Variants in ABCC5 observed in about 807,000 individuals in gnomAD.
ABCC5 encodes ATP-binding cassette sub-family C member 5.
A neutral mutation model predicts 160.9 loss-of-function variants in ABCC5; 61 were observed. The observed-to-expected ratio is 0.38, with a 90% CI of 0.31 to 0.47. The LOEUF (loss-of-function observed/expected upper bound fraction) is 0.47. Among genes scored for constraint, ABCC5 ranks in the 20% least tolerant of loss-of-function variants. ABCC5 has a pLI of 0.99. For missense variants in ABCC5, 1,308 were observed against 1,813.3 expected (o/e 0.72, Z 5.06); for synonymous variants, 666 against 700.6 (o/e 0.95, Z 0.78).
At chr3:183,969,432 C>A (rs1247203076) in intron 11 of ABCC5, among the ~76,000 whole-genome samples, 3 of 152,194 alleles carry the variant, frequency 2.0e-5, no homozygotes, top group Non-Finnish European at 2.9e-5. Context: ...GCAGCTCACG[C>A]CTATAATCCC....
Position 183,949,225 on chromosome 3 carries a change from C to T in ABCC5, c.3227+528G>A, listed in dbSNP as rs749471042. On this transcript the variant is annotated intron_variant, in intron 22 of 29. Transcript: ENST00000334444. The surrounding 1 kb of genome is among the most constrained non-coding windows in gnomAD (Gnocchi z 4.2). ...TATTGAAGAACATTTTAGTTCCAATCTCTTATTAATACAAAGCTCCACAAT... is the reference window on the plus strand; with the variant it reads ...TATTGAAGAACATTTTAGTTCCAATTTCTTATTAATACAAAGCTCCACAAT... 9.9e-5 allele frequency among the ~76,000 whole-genome samples: 15 copies of T among 152,216 alleles called. No individual in the cohort carries two copies. The highest frequency in any genetic ancestry group is 7.2e-4 in the Admixed American group (11 of 15,288).
At chr3:183,992,767 C>T (rs905801388) in intron 2 of ABCC5, among the ~76,000 whole-genome samples, 8 of 148,986 alleles carry the variant, frequency 5.4e-5, no homozygotes, top group Non-Finnish European at 1.0e-4. Flanking sequence ...CCGGCCTGAG[C>T]GAAAGAGCGA....
chr3:183,955,828 C>A lies in ABCC5; in HGVS notation c.2483-2558G>T, dbSNP rs74838596. On this transcript the variant is annotated intron_variant, in intron 17 of 29. Coordinates refer to ENST00000334444, the MANE Select transcript of ABCC5 (RefSeq NM_005688.4). ...TGTATATCACATCAGTTACATGCAG[C>A]TCCGTGTGTATATCACATCGGTTAC... 7.9e-4 allele frequency among the ~76,000 whole-genome samples: 102 copies of A among 128,616 alleles called. 5 individuals are homozygous for A. Among genetic ancestry groups the A allele is most frequent in the South Asian group, 5.3e-3 (21 of 4,000 alleles). The allele number at this position is 128,616 out of a possible 152,430, so 84.4% of individuals were successfully genotyped here.
intron 26 of ABCC5, 21 bp downstream of exon 26, chr3:183,937,880 T>C (rs1246865860): frequency 2.5e-6 from 4 of 1,612,978 alleles, no homozygotes; most frequent in African/African-American, 1.3e-5. Flanking sequence ...GCACGAGACA[T>C]GCAGGTGCTC....
intron 22 of ABCC5, among the ~76,000 whole-genome samples, chr3:183,948,900 C>T (rs553947391): frequency 6.6e-6 from 1 of 152,070 alleles, no homozygotes. Flanking sequence ...GACAAGGTTC[C>T]ACCATGTTGG....
rs1432157403 is a variant in ABCC5, at chr3:183,987,500, C to T, written c.591+270G>A. 11 of 604,810 alleles carry T rather than the reference C, an allele frequency of 1.8e-5. 1 individual carries two copies. Among genetic ancestry groups the T allele is most frequent in the East Asian group, 8.2e-5 (3 of 36,406 alleles). The allele number at this position is 604,810 out of a possible 1,614,324, so 37.5% of individuals were successfully genotyped here. On this transcript the variant is annotated intron_variant, in intron 5 of 29. Transcript: ENST00000334444. The surrounding 1 kb of genome is among the most constrained non-coding windows in gnomAD (Gnocchi z 4.2). ...CTGTCAGTTCATGTTAACACACAAC[C>T]GAGAAGCACAGTCCTGTGCAGAACT...
At position 183,982,013 on chromosome 3, in the gene ABCC5, G is replaced by A; in HGVS notation, c.1000-139C>T. Reference sequence around the variant, plus strand: ...GGGCCAAATGTTATGTAATCGTACTGTCTTTAATAAAAGTGACCTATTGAA... The same window carrying A: ...GGGCCAAATGTTATGTAATCGTACTATCTTTAATAAAAGTGACCTATTGAA... On this transcript the variant is annotated intron_variant, in intron 7 of 29. Transcript: ENST00000334444. This position sits in a 1 kb window ranked among gnomAD's most constrained non-coding sequence, Gnocchi z 5.2. 1 of 878,286 alleles carries A rather than the reference G, an allele frequency of 1.1e-6. No homozygotes were observed. The highest frequency in any genetic ancestry group is 2.0e-5 in the South Asian group (1 of 50,186). 54.4% of individuals were successfully genotyped at this position (878,286 alleles called of 1,614,324 possible).
intron 29 of ABCC5, among the ~76,000 whole-genome samples, chr3:183,922,706 G>A (rs1419389930): frequency 1.3e-5 from 2 of 152,234 alleles, no homozygotes; most frequent in African/African-American, 2.4e-5. Context: ...AGCCGCCCCC[G>A]CCACAGGGCA....
intron 22 of ABCC5, among the ~76,000 whole-genome samples, chr3:183,948,924 G>A (rs59182505): frequency 2.0e-5 from 3 of 152,086 alleles, no homozygotes; most frequent in Non-Finnish European, 4.4e-5. Flanking sequence ...GGCTGGTCTC[G>A]AACTCCTGAC....
At chr3:183,965,691 TATGTGTGATGGG>T (rs1481454157) in intron 12 of ABCC5, among the ~76,000 whole-genome samples, 190 bp from the exon 13 acceptor site, 1 of 152,206 alleles carries the variant, frequency 6.6e-6, no homozygotes, top group Admixed American at 6.5e-5. Flanking sequence ...TCTCCTTGCT[TATGTGTGATGGG>T]AGCTCAGCAT....
intron 8 of ABCC5, among the ~76,000 whole-genome samples, chr3:183,981,461 A>C (rs983375382): frequency 3.9e-5 from 6 of 152,212 alleles, no homozygotes; most frequent in Non-Finnish European, 8.8e-5. Flanking sequence ...GGGGGCTTCG[A>C]AACTGGATTA....
intron 8 of ABCC5, among the ~76,000 whole-genome samples, chr3:183,981,381 T>C (rs1181908483): frequency 1.3e-5 from 2 of 152,184 alleles, no homozygotes; most frequent in African/African-American, 2.4e-5. Flanking sequence ...TCAGTAGTAA[T>C]TTGATATTGT....
chr3:184,010,266 CAAAAAAA>C (rs10541470), intron 2 of ABCC5, among the ~76,000 whole-genome samples: 2 of 74,480 alleles, frequency 2.7e-5, no homozygotes, highest in Non-Finnish European at 5.1e-5. Context: ...GACTTCGTCT[CAAAAAAA>C]AAAAAAAAAA....
intron 26 of ABCC5, among the ~76,000 whole-genome samples, chr3:183,932,528 G>A (rs1174160754): frequency 2.6e-5 from 4 of 152,322 alleles, no homozygotes; most frequent in East Asian, 3.9e-4. Context: ...CGTGACACAC[G>A]CTTCAGGAGG....
intron 17 of ABCC5, among the ~76,000 whole-genome samples, chr3:183,956,126 ATAT>A (rs879706554): frequency 0.045 from 5,771 of 127,924 alleles, 164 homozygotes; most frequent in Non-Finnish European, 0.058. Context: ...CTCCGTGTGT[ATAT>A]CACATCGGTT....
chr3:183,963,701 C>T lies in ABCC5; in HGVS notation c.2032-113G>A. ...CCCAGACCAGCTCCTTCTGTCAATT[C>T]CCCGCAGATGAACTGCCATGCTGAT... On this transcript the variant is annotated intron_variant, in intron 14 of 29. Transcript: ENST00000334444. The surrounding 1 kb of genome is among the most constrained non-coding windows in gnomAD (Gnocchi z 4.6). 3 of 911,352 alleles carry T rather than the reference C, an allele frequency of 3.3e-6. No individual in the cohort carries two copies. Among genetic ancestry groups the T allele is most frequent in the Non-Finnish European group, 4.7e-6 (3 of 632,980 alleles). 56.5% of individuals were successfully genotyped at this position (911,352 alleles called of 1,614,324 possible). A position where few individuals can be genotyped will look rare whatever the true frequency, so the allele number is the denominator to read the frequency against.
At chr3:183,926,894 A>ACCC (rs1355571468) in intron 28 of ABCC5, among the ~76,000 whole-genome samples, 3 of 151,574 alleles carry the variant, frequency 2.0e-5, no homozygotes, top group Non-Finnish European at 4.4e-5. Flanking sequence ...AAAATGCAAA[A>ACCC]ATTAGCTGGG....
rs754163863 is a variant in ABCC5 at position 183,977,500 on chromosome 3, G to A, written c.1404+17C>T. The A allele has an allele frequency of 3.8e-6, 6 of 1,577,780 alleles. No individual in the cohort carries two copies. The Admixed American group carries it at 1.0e-4, about 26-fold the overall frequency. Reference sequence around the variant, plus strand: ...GGGAGGGCTCCTGACACGGGGGCAGGGGAAGGAGCCACTTACCTTAAATCT... The same window carrying A: ...GGGAGGGCTCCTGACACGGGGGCAGAGGAAGGAGCCACTTACCTTAAATCT... On this transcript the variant is annotated intron_variant, in intron 10 of 29. Coordinates refer to ENST00000334444, the MANE Select transcript of ABCC5 (RefSeq NM_005688.4).
Position 183,928,791 on chromosome 3 carries a change from C to T in ABCC5, c.3889G>A (p.Asp1297Asn). ...NLDPFNQYTE[D>N]QIWDALERTH... ...CTCTCCAGGGCATCCCAAATCTGGT[C>T]TTCAGTGTACTGGTTGAAGGGGTCC... Residue 1297 changes from aspartate (D) to asparagine (N), a missense_variant, in exon 27 of 30, where the codon GAC becomes AAC. Around this residue, in one of 3 missense-constraint regions of ABCC5, gnomAD observed 163 missense variants for 269.7 expected, o/e 0.60. Transcript: ENST00000334444. The T allele has an allele frequency of 6.2e-7, 1 of 1,614,166 alleles. No homozygotes were observed. The highest frequency in any genetic ancestry group is 1.1e-5 in the South Asian group (1 of 91,082).
Sources: gnomAD v4.1 joint callset for allele counts (sites outside exome capture counted in the v4.1 genomes callset) on GRCh38, gnomAD v4.1.1 for gene constraint, gnomAD v4.1.1 regional missense constraint, Gnocchi (gnomAD v3.1) non-coding constraint, MANE v1.5 for transcripts, NCBI Gene and HGNC (gene_info 2026-07-23, HGNC 2026-07-21) for gene names.